The following LRRC43 variants were observed in gnomAD, a reference collection of about 807,000 sequenced individuals.
The protein encoded by LRRC43 is leucine-rich repeat-containing protein 43.
LRRC43 carries 62 observed loss-of-function variants against 64.3 expected under a neutral mutation model. The ratio of observed to expected loss-of-function variants is 0.96; its 90% CI spans 0.79 to 1.19. The LOEUF (loss-of-function observed/expected upper bound fraction) is 1.19. Among genes scored for constraint, LRRC43 ranks in the 50% most tolerant of loss-of-function variants. The pLI, the probability that LRRC43 is intolerant of heterozygous loss-of-function variation, is 0.00. For synonymous variants in LRRC43, 422 were observed against 382.3 expected, an observed-to-expected ratio of 1.10 and a Z score of -1.21; for missense variants, 868 against 845.0, an observed-to-expected ratio of 1.03 and a Z score of -0.34.
At position 122,199,472 on chromosome 12, in the gene LRRC43, C is replaced by T. The variant is rs190524342; in HGVS notation, c.1350-717C>T. On this transcript the variant is annotated intron_variant, in intron 7 of 11. Transcript: ENST00000339777. ...TAATTTTTTGTATTTTTAGTAGAGACGGGGTTTCACTGTGTTAGCCAGCAT... is the reference window on the plus strand; with the variant it reads ...TAATTTTTTGTATTTTTAGTAGAGATGGGGTTTCACTGTGTTAGCCAGCAT... 1.8e-3 allele frequency among the ~76,000 whole-genome samples: 277 copies of T among 151,342 alleles called. 2 individuals carry two copies. Among genetic ancestry groups the T allele is most frequent in the African/African-American group, 6.2e-3 (257 of 41,164 alleles).
At chr12:122,168,485 C>T (rs369971295) in intron 1 of LRRC43, among the ~76,000 whole-genome samples, 3 of 151,314 alleles carry the variant, frequency 2.0e-5, no homozygotes, top group Non-Finnish European at 4.4e-5. Context: ...GTTGGGATCT[C>T]GCCATGTTGC....
intron 7 of LRRC43, among the ~76,000 whole-genome samples, chr12:122,199,078 A>AGCGATTCTCCT (rs1425450331): frequency 6.6e-6 from 1 of 151,370 alleles, no homozygotes. Flanking sequence ...CCCAGGTTCA[A>AGCGATTCTCCT]CGTTCAACTT....
chr12:122,196,718 G>A (rs1443039695), intron 7 of LRRC43, among the ~76,000 whole-genome samples: 7 of 151,142 alleles, frequency 4.6e-5, no homozygotes, highest in African/African-American at 1.2e-4. Context: ...GCAGTGAGCC[G>A]AGATTGCACC....
At chr12:122,186,415 G>A (rs1489592724) in intron 3 of LRRC43, 115 bp downstream of exon 3, 1 of 655,628 alleles carries the variant, frequency 1.5e-6, no homozygotes, top group African/African-American at 1.8e-5. Flanking sequence ...CCAGCTCCAG[G>A]CTTTTAAAAT....
upstream of LRRC43, chr12:122,182,917 G>GA (rs1217409156): frequency 1.7e-6 from 1 of 598,524 alleles, no homozygotes; most frequent in Non-Finnish European, 2.7e-6. Context: ...CAGGAGCTAA[G>GA]AAACAGGTCA....
At chr12:122,183,704 A>G (rs956218974) in intron 1 of LRRC43, among the ~76,000 whole-genome samples, 2 of 152,220 alleles carry the variant, frequency 1.3e-5, no homozygotes, top group Admixed American at 1.3e-4. Context: ...TGAGTCCAGG[A>G]GAAGGGGTTA....
intron 5 of LRRC43, 67 bp downstream of exon 5, chr12:122,190,435 G>A (rs561656002): frequency 5.7e-5 from 73 of 1,291,392 alleles, no homozygotes; most frequent in South Asian, 2.4e-4. Flanking sequence ...GCTGTGCCCC[G>A]CCCTCCTGGG....
chr12:122,184,819 G>A lies in LRRC43; in HGVS notation c.411+40G>A, dbSNP rs776333065. The stretch of plus-strand genomic sequence containing the variant: ...CGTGGTAGGTGATGTTAGGGTGGCC[G>A]CTCCCCTAAGGGAGGTTGTGGGGAG... On this transcript the variant is annotated intron_variant, in intron 2 of 11. Transcript: ENST00000339777. This position sits in a 1 kb window ranked among gnomAD's most constrained non-coding sequence, Gnocchi z 4.0. 8.3e-6 allele frequency: 13 copies of A among 1,562,136 alleles called. No individual in the cohort carries two copies. The highest frequency in any genetic ancestry group is 1.1e-5 in the Non-Finnish European group (13 of 1,152,918).
upstream of LRRC43, among the ~76,000 whole-genome samples, chr12:122,182,729 G>T (rs1953593342): frequency 6.6e-6 from 1 of 151,910 alleles, no homozygotes; most frequent in Non-Finnish European, 1.5e-5. Context: ...AAAAAATGAG[G>T]TCTGGGTGAT....
upstream of LRRC43, among the ~76,000 whole-genome samples, chr12:122,179,736 G>A (rs1220327570): frequency 6.6e-6 from 1 of 152,034 alleles, no homozygotes; most frequent in Non-Finnish European, 1.5e-5. Flanking sequence ...ACTTTGGGAG[G>A]CCGAGGCGGG....
At chr12:122,177,130 T>C (rs1225153816) in intron 1 of LRRC43, among the ~76,000 whole-genome samples, 1 of 152,152 alleles carries the variant, frequency 6.6e-6, no homozygotes, top group Non-Finnish European at 1.5e-5. Flanking sequence ...TTTGTGGATG[T>C]AGTCATGATT....
chr12:122,178,726 G>C (rs1418713705), upstream of LRRC43, among the ~76,000 whole-genome samples: 2 of 151,626 alleles, frequency 1.3e-5, no homozygotes, highest in Non-Finnish European at 2.9e-5. Flanking sequence ...TGAGTAGCCG[G>C]GATTACAGGC....
upstream of LRRC43, among the ~76,000 whole-genome samples, chr12:122,182,176 C>T (rs149769851): frequency 6.6e-6 from 1 of 151,576 alleles, no homozygotes; most frequent in African/African-American, 2.4e-5. Flanking sequence ...TTGCCTGAGC[C>T]CAGGAGTTTG....
chr12:122,186,366 G>A (rs756895394), intron 3 of LRRC43, 66 bp downstream of exon 3: 37 of 1,018,454 alleles, frequency 3.6e-5, no homozygotes, highest in Non-Finnish European at 5.6e-5. Context: ...GCCTTACCCT[G>A]CCCCACATAG....
In LRRC43 at chr12:122,187,826, C is replaced by T. The variant is rs746924097; in HGVS notation, c.648C>T (p.Val216=). The T allele has an allele frequency of 1.9e-6, 3 of 1,614,018 alleles. No homozygotes were observed. Among genetic ancestry groups the T allele is most frequent in the Non-Finnish European group, 1.7e-6 (2 of 1,179,960 alleles). Reference sequence around the variant, plus strand: ...TAGGCCCCTTGGAAAGTCTCTACGTCACCGCTAATCACTGGTAACTCGGGA... The same window carrying T: ...TAGGCCCCTTGGAAAGTCTCTACGTTACCGCTAATCACTGGTAACTCGGGA... ...KLLGPLESLY[V]TANHWPNLVS... is the part of the protein sequence containing the mutation. The change falls in exon 4 of 12, where the codon GTC becomes GTT. Residue 216 remains valine, a synonymous_variant. Transcript: ENST00000339777.
rs1024362214 is a variant in LRRC43, at chr12:122,189,639, G to A, written c.663-491G>A. On this transcript the variant is annotated intron_variant, in intron 4 of 11. Coordinates refer to ENST00000339777, the MANE Select transcript of LRRC43 (RefSeq NM_001098519.2). ...TCCCGCCCCAGTCTGGCTTTGAGAA[G>A]CCATCTCCTGCTTCTAGACCGCCCA... 11 of 372,860 alleles carry A rather than the reference G, an allele frequency of 3.0e-5. No homozygotes were observed. The Admixed American group carries it at 3.7e-4, about 13-fold the overall frequency. The allele number at this position is 372,860 out of a possible 1,614,324, so 23.1% of individuals were successfully genotyped here.
At position 122,200,090 on chromosome 12, in the gene LRRC43, C is replaced by T; in HGVS notation, c.1350-99C>T. 7.5e-7 allele frequency: 1 copy of T among 1,332,338 alleles called. No homozygotes were observed. The highest frequency in any genetic ancestry group is 1.0e-6 in the Non-Finnish European group (1 of 962,300). The allele number at this position is 1,332,338 out of a possible 1,614,324, so 82.5% of individuals were successfully genotyped here. On this transcript the variant is annotated intron_variant, in intron 7 of 11. Transcript: ENST00000339777. This position sits in a 1 kb window ranked among gnomAD's most constrained non-coding sequence, Gnocchi z 4.6. The stretch of plus-strand genomic sequence containing the variant: ...CTCATGCTGTTTGTGGGCTTCGATG[C>T]TCGTGGTCTCCTCGGATGTCCCCTC...
At chr12:122,202,008 C>T (rs1031556467) in intron 11 of LRRC43, 2 of 152,290 alleles carry the variant, frequency 1.3e-5, no homozygotes, top group African/African-American at 4.8e-5. Context: ...CCTGTAATCC[C>T]AGCTACTCAG....
rs1296898236 is a variant in LRRC43, at chr12:122,190,284, A to G, written c.817A>G (p.Ser273Gly). Residue 273 changes from serine to glycine, a missense_variant, in exon 5 of 12, where the codon AGC (serine) becomes GGC (glycine). Transcript: ENST00000339777. ...VPYYRGLTIDSLAQLCVLDDI... is the reference protein window; with the variant it reads ...VPYYRGLTIDGLAQLCVLDDI... ...CTACTACCGCGGCCTCACCATCGAC[A>G]GCCTGGCCCAGCTCTGCGTGCTGGA... is the stretch of plus-strand genomic sequence containing the variant. 2.5e-6 allele frequency: 4 copies of G among 1,614,150 alleles called. No individual in the cohort carries two copies. The highest frequency in any genetic ancestry group is 3.4e-6 in the Non-Finnish European group (4 of 1,180,028).
Sources: gnomAD v4.1 joint callset for allele counts (sites outside exome capture counted in the v4.1 genomes callset) on GRCh38, gnomAD v4.1.1 for gene constraint, Gnocchi (gnomAD v3.1) non-coding constraint, MANE v1.5 for transcripts, NCBI Gene and HGNC (gene_info 2026-07-23, HGNC 2026-07-21) for gene names.